The following IFT46 variants were observed in gnomAD, a reference collection of about 807,000 sequenced individuals.
The protein encoded by IFT46 is intraflagellar transport protein 46 homolog.
In IFT46, 19 loss-of-function variants were observed where a neutral mutation model predicts 39.6. The ratio of observed to expected loss-of-function variants is 0.48; its 90% CI spans 0.33 to 0.70. The LOEUF (loss-of-function observed/expected upper bound fraction) is 0.70. IFT46 is among the 30% of genes least tolerant of loss of function. The probability of loss-of-function intolerance (pLI) is 0.01; values close to 1 mark genes in which losing one functional copy is unlikely to be tolerated. For synonymous variants in IFT46, 117 were observed against 134.8 expected, an observed-to-expected ratio of 0.87 and a Z score of 0.91; for missense variants, 334 against 364.8, an observed-to-expected ratio of 0.92 and a Z score of 0.69.
intron 7 of IFT46, among the ~76,000 whole-genome samples, chr11:118,554,052 CTTT>C (rs782067203): frequency 4.3e-5 from 6 of 138,804 alleles, no homozygotes; most frequent in Non-Finnish European, 7.9e-5. Context: ...ATAACCATCT[CTTT>C]TTTTTTTTTT....
In IFT46 at chr11:118,554,578, G is replaced by A; in HGVS notation, c.364C>T (p.Pro122Ser). 6.3e-7 allele frequency: 1 copy of A among 1,599,952 alleles called. No individual in the cohort carries two copies. The highest frequency in any genetic ancestry group is 8.5e-7 in the Non-Finnish European group (1 of 1,176,258). The change falls in exon 7 of 12, where the codon CCT (proline) becomes TCT (serine). Residue 122 changes from proline to serine, a missense_variant. Physicochemically the swap from Pro to Ser is moderately conservative, Grantham distance 74. Coordinates refer to ENST00000264021, the MANE Select transcript of IFT46 (RefSeq NM_001168618.2). The part of the protein sequence containing the change: ...DIDAFLKVPR[P>S]DGKPDNLGLL... ...CCAAGGTTGTCAGGCTTTCCATCAG[G>A]ACGTGGGACCTGGTTAAGAAAAAGG...
chr11:118,557,379 G>A (rs1937877101), intron 3 of IFT46: 1 of 396,834 alleles, frequency 2.5e-6, no homozygotes, highest in Non-Finnish European at 4.5e-6. Flanking sequence ...TTTCAAAGAA[G>A]AGGATGGCAA....
rs1300842773 is a variant in IFT46, at chr11:118,557,008, C to G, written c.83G>C (p.Gly28Ala). 1 of 1,612,400 alleles carries G rather than the reference C, an allele frequency of 6.2e-7. No homozygotes were observed. The highest frequency in any genetic ancestry group is 2.2e-5 in the East Asian group (1 of 44,832). Reference protein sequence around the residue: ...KKTSQLTPQRGFSENEDDDDD... With the variant: ...KKTSQLTPQRAFSENEDDDDD... ...ATCGTCATCCTCATTTTCACTAAAG[C>G]CCCGTTGAGGTGTCAACTGTGAGGT... Residue 28 changes from glycine to alanine, a missense_variant, in exon 4 of 12, where the codon GGC becomes GCC. Transcript: ENST00000264021.
At chr11:118,572,251 C>G (rs1938353398) in intron 1 of IFT46, 1 of 430,200 alleles carries the variant, frequency 2.3e-6, no homozygotes, top group African/African-American at 2.0e-5. Context: ...GGGAGAGATA[C>G]GAGGTTCCAC....
chr11:118,552,124 C>T (rs1268838337), intron 8 of IFT46, 90 bp downstream of exon 8: 2 of 1,493,254 alleles, frequency 1.3e-6, no homozygotes, highest in Non-Finnish European at 9.2e-7. Context: ...AAATATGTTC[C>T]CAGCCTCTGG....
chr11:118,563,245 C>G (rs144919703), intron 2 of IFT46, among the ~76,000 whole-genome samples: 1,648 of 152,046 alleles, frequency 0.011, 33 homozygotes, highest in African/African-American at 0.038. Flanking sequence ...CAAACTCATA[C>G]AGACAGTAGA....
In IFT46 at chr11:118,559,876, A is replaced by G. The variant is rs1330108277; in HGVS notation, c.-35-12T>C. 4.0e-6 allele frequency: 6 copies of G among 1,512,062 alleles called. No individual in the cohort carries two copies. The highest frequency in any genetic ancestry group is 5.5e-6 in the Non-Finnish European group (6 of 1,094,222). The allele number at this position is 1,512,062 out of a possible 1,614,324, so 93.7% of individuals were successfully genotyped here. ...AGAACGAGGAAGTCCTTAGAAAAAA[A>G]GTTTTTCCTTTAGATTATTGTTAAA... is the stretch of plus-strand genomic sequence containing the variant. On this transcript the variant is annotated splice_polypyrimidine_tract_variant and intron_variant, in intron 2 of 11. Coordinates refer to ENST00000264021, the MANE Select transcript of IFT46 (RefSeq NM_001168618.2).
At chr11:118,566,351 G>A (rs1938225322), upstream of IFT46, among the ~76,000 whole-genome samples, 1 of 152,150 alleles carries the variant, frequency 6.6e-6, no homozygotes, top group Non-Finnish European at 1.5e-5. Context: ...CCATGGAATG[G>A]AACATACTTA....
At chr11:118,548,691 T>C (rs1951753570) in intron 9 of IFT46, among the ~76,000 whole-genome samples, 1 of 151,832 alleles carries the variant, frequency 6.6e-6, no homozygotes, top group Non-Finnish European at 1.5e-5. Flanking sequence ...TTAGTAGAGA[T>C]GGGGTTTCAC....
intron 2 of IFT46, among the ~76,000 whole-genome samples, chr11:118,562,995 G>A (rs1555070818): frequency 6.6e-6 from 1 of 151,964 alleles, no homozygotes; most frequent in African/African-American, 2.4e-5. Flanking sequence ...AACCCGGGAG[G>A]CGTAGGTTGC....
chr11:118,559,128 A>G (rs1348164674), intron 3 of IFT46, among the ~76,000 whole-genome samples: 1 of 151,896 alleles, frequency 6.6e-6, no homozygotes, highest in Admixed American at 6.6e-5. Context: ...TCGGCCTCCC[A>G]AAGTGCTGGG....
intron 4 of IFT46, among the ~76,000 whole-genome samples, chr11:118,556,206 G>C (rs1937826978): frequency 6.6e-6 from 1 of 151,718 alleles, no homozygotes; most frequent in Non-Finnish European, 1.5e-5. Context: ...AAAAATTTTT[G>C]GGCGGCCGGG....
At position 118,544,836 on chromosome 11, in the gene IFT46, A is replaced by G; in HGVS notation, c.*80T>C. 1.0e-6 allele frequency: 1 copy of G among 991,796 alleles called. No homozygotes were observed. Among genetic ancestry groups the G allele is most frequent in the Non-Finnish European group, 1.6e-6 (1 of 628,318 alleles). The allele number at this position is 991,796 out of a possible 1,614,324, so 61.4% of individuals were successfully genotyped here. A position where few individuals can be genotyped will look rare whatever the true frequency, so the allele number is the denominator to read the frequency against. On this transcript the variant is annotated 3_prime_UTR_variant, in exon 12 of 12. Coordinates refer to ENST00000264021, the MANE Select transcript of IFT46 (RefSeq NM_001168618.2). ...AAGCTGTGGCATGGGCAAGGACATCAAGTAGCTGACAACGATCTGTCCATC... is the reference window on the plus strand; with the variant it reads ...AAGCTGTGGCATGGGCAAGGACATCGAGTAGCTGACAACGATCTGTCCATC...
chr11:118,576,443 A>AC (rs1235455314), upstream of IFT46, among the ~76,000 whole-genome samples: 6 of 147,566 alleles, frequency 4.1e-5, no homozygotes, highest in African/African-American at 1.2e-4. Flanking sequence ...AAAAAAAAAA[A>AC]AAAAAACCAA....
upstream of IFT46, among the ~76,000 whole-genome samples, chr11:118,568,267 G>A (rs1451656130): frequency 2.0e-5 from 3 of 152,054 alleles, no homozygotes; most frequent in African/African-American, 7.2e-5. Flanking sequence ...AATTAAAATT[G>A]GGCCAGGTGA....
chr11:118,564,606 T>C (rs1265933207), intron 2 of IFT46, among the ~76,000 whole-genome samples: 4 of 152,116 alleles, frequency 2.6e-5, no homozygotes, highest in South Asian at 2.1e-4. Flanking sequence ...TTTAAAAACA[T>C]TCCACTGTGA....
At chr11:118,573,267 T>C (rs560987071), upstream of IFT46, among the ~76,000 whole-genome samples, 4 of 152,204 alleles carry the variant, frequency 2.6e-5, no homozygotes, top group African/African-American at 9.7e-5. Context: ...AAGGAACTTA[T>C]TGTCCAGGTG....
chr11:118,555,386 G>GTGC, intron 4 of IFT46, 64 bp from the exon 5 acceptor site: 1 of 1,197,124 alleles, frequency 8.4e-7, no homozygotes, highest in East Asian at 2.3e-5. Context: ...AGGGTCCTAG[G>GTGC]TGCTGGTGTG....
chr11:118,558,251 G>A (rs1290725574), intron 3 of IFT46, among the ~76,000 whole-genome samples: 1 of 152,128 alleles, frequency 6.6e-6, no homozygotes, highest in Non-Finnish European at 1.5e-5. Context: ...TTCAAGATTT[G>A]CCAAAATTAT....
Sources: gnomAD v4.1 joint callset for allele counts (sites outside exome capture counted in the v4.1 genomes callset) on GRCh38, gnomAD v4.1.1 for gene constraint, MANE v1.5 for transcripts, NCBI Gene and HGNC (gene_info 2026-07-23, HGNC 2026-07-21) for gene names.